Variants in CGNL1 observed in about 807,000 individuals in gnomAD.
CGNL1 encodes cingulin-like protein 1.
Under a neutral mutation model 141.2 loss-of-function variants are expected in CGNL1, and 132 were observed. The observed-to-expected ratio is 0.93, with a 90% CI of 0.81 to 1.08. The LOEUF (loss-of-function observed/expected upper bound fraction) is 1.08. CGNL1 is among the 50% of genes least tolerant of loss of function. The pLI, the probability that CGNL1 is intolerant of heterozygous loss-of-function variation, is 0.00. For synonymous variants in CGNL1, 690 were observed against 622.1 expected, an observed-to-expected ratio of 1.11 and a Z score of -1.63; for missense variants, 1,870 against 1,588.6, an observed-to-expected ratio of 1.18 and a Z score of -3.01.
chr15:57,384,742 C>T (rs1296564966), intron 1 of CGNL1, among the ~76,000 whole-genome samples: 2 of 152,172 alleles, frequency 1.3e-5, no homozygotes, highest in Admixed American at 1.3e-4. Flanking sequence ...GACCTCTTTA[C>T]TGACCTTGTA....
At chr15:57,455,722 C>T (rs2063371309) in intron 7 of CGNL1, among the ~76,000 whole-genome samples, 1 of 152,148 alleles carries the variant, frequency 6.6e-6, no homozygotes, top group Non-Finnish European at 1.5e-5. Flanking sequence ...GAACTGCATA[C>T]TTCTTTTCCT....
intron 7 of CGNL1, among the ~76,000 whole-genome samples, chr15:57,454,317 TAAAAGTC>T (rs1165060536): frequency 6.6e-6 from 1 of 152,110 alleles, no homozygotes; most frequent in Non-Finnish European, 1.5e-5. Flanking sequence ...CCAAAAAAAT[TAAAAGTC>T]AAAACATAAA....
At chr15:57,416,137 T>A (rs2062845945) in intron 1 of CGNL1, among the ~76,000 whole-genome samples, 1 of 151,954 alleles carries the variant, frequency 6.6e-6, no homozygotes, top group Non-Finnish European at 1.5e-5. Context: ...ACATTGCTGA[T>A]CCCTTTTAGT....
At chr15:57,446,470 T>A (rs1478215521) in intron 4 of CGNL1, among the ~76,000 whole-genome samples, 1 of 152,182 alleles carries the variant, frequency 6.6e-6, no homozygotes, top group African/African-American at 2.4e-5. Flanking sequence ...TTACAATATG[T>A]ATTATAATAA....
intron 1 of CGNL1, among the ~76,000 whole-genome samples, chr15:57,421,684 C>T (rs1468343956): frequency 6.6e-6 from 1 of 152,112 alleles, no homozygotes; most frequent in Non-Finnish European, 1.5e-5. Flanking sequence ...AGGAAACACC[C>T]TGAGAAGGAA....
At chr15:57,461,531 T>C in intron 7 of CGNL1, 149 bp from the exon 8 acceptor site, 1 of 689,130 alleles carries the variant, frequency 1.5e-6, no homozygotes, top group Non-Finnish European at 2.6e-6. Flanking sequence ...GAAGAAATGG[T>C]CTAAACAGGT....
In CGNL1 at chr15:57,511,336, C is replaced by T. The variant is rs138323714; in HGVS notation, c.2404-5444C>T. ...CTCACTTTCTTGTTCTTTTTTTCTC[C>T]CAGATGCACAAGATACTATTGACCT... On this transcript the variant is annotated intron_variant, in intron 8 of 18. Coordinates refer to ENST00000281282, the MANE Select transcript of CGNL1 (RefSeq NM_032866.5). 3.2e-3 allele frequency among the ~76,000 whole-genome samples: 486 copies of T among 152,196 alleles called. 5 individuals carry two copies. The highest frequency in any genetic ancestry group is 0.011 in the African/African-American group (456 of 41,514).
chr15:57,463,576 C>T (rs796099628), intron 8 of CGNL1, among the ~76,000 whole-genome samples: 1 of 152,206 alleles, frequency 6.6e-6, no homozygotes, highest in South Asian at 2.1e-4. Context: ...GGGGTGTGGG[C>T]CAGCAAGGGC....
rs2063138620 is a variant in CGNL1 at position 57,438,572 on chromosome 15, C to T, written c.573C>T (p.Cys191=). 7 of 1,613,498 alleles carry T rather than the reference C, an allele frequency of 4.3e-6. No homozygotes were observed. The highest frequency in any genetic ancestry group is 1.3e-5 in the African/African-American group (1 of 74,926). Residue 191 remains cysteine (C), a synonymous_variant, in exon 2 of 19, where the codon TGC becomes TGT. Coordinates refer to ENST00000281282, the MANE Select transcript of CGNL1 (RefSeq NM_032866.5). ...TCAACAATAAGAAGCCTTGGACTTG[C>T]TTTCCCAAACCTAGCAATTCCCAGC... ...EGINNKKPWT[C]FPKPSNSQPT...
rs1181393358 is a variant in CGNL1 at position 57,422,860 on chromosome 15, C to G, written c.-15-15125C>G. ...ATAGATCCCAGAGCAGAGGTTTGGG[C>G]CTGAAAATTTGGAACTAGGAAGTTT... On this transcript the variant is annotated intron_variant, in intron 1 of 18. Coordinates refer to ENST00000281282, the MANE Select transcript of CGNL1 (RefSeq NM_032866.5). Among the ~76,000 whole-genome samples the G allele has an allele frequency of 2.0e-5, 3 of 152,008 alleles. No individual in the cohort carries two copies. The South Asian group carries it at 6.2e-4, about 32-fold the overall frequency.
intron 7 of CGNL1, among the ~76,000 whole-genome samples, chr15:57,454,987 C>G (rs968267265): frequency 6.6e-6 from 1 of 152,154 alleles, no homozygotes; most frequent in Non-Finnish European, 1.5e-5. Context: ...GCCTCCCTAT[C>G]TATTGATAGC....
intron 15 of CGNL1, among the ~76,000 whole-genome samples, chr15:57,544,154 A>C (rs530434769): frequency 6.6e-6 from 1 of 152,230 alleles, no homozygotes; most frequent in South Asian, 2.1e-4. Flanking sequence ...AAAGGAGCCT[A>C]TTTCTCCTGT....
chr15:57,492,945 A>G (rs531065022), intron 8 of CGNL1, among the ~76,000 whole-genome samples: 1 of 152,218 alleles, frequency 6.6e-6, no homozygotes, highest in East Asian at 1.9e-4. Flanking sequence ...TGGGCATTTT[A>G]TTTCCAGATT....
intron 2 of CGNL1, 29 bp from the exon 3 acceptor site, chr15:57,440,348 A>T: frequency 1.3e-6 from 2 of 1,544,220 alleles, no homozygotes; most frequent in Non-Finnish European, 1.8e-6. Flanking sequence ...CTTCATCCTC[A>T]TGGTCTAACA....
intron 8 of CGNL1, among the ~76,000 whole-genome samples, chr15:57,512,111 A>G (rs2030361393): frequency 6.6e-6 from 1 of 152,156 alleles, no homozygotes; most frequent in Admixed American, 6.5e-5. Context: ...TGCCACATCC[A>G]TGAGACACAA....
At chr15:57,388,990 A>G (rs191697516) in intron 1 of CGNL1, among the ~76,000 whole-genome samples, 78 of 152,346 alleles carry the variant, frequency 5.1e-4, no homozygotes, top group Admixed American at 7.8e-4. Context: ...TTCTAAAGGT[A>G]AAAATGAAGA....
chr15:57,454,541 T>C lies in CGNL1; in HGVS notation c.2190+723T>C, dbSNP rs2063356565. 3.3e-5 allele frequency among the ~76,000 whole-genome samples: 5 copies of C among 152,290 alleles called. No homozygotes were observed. In the South Asian group the frequency reaches 1.0e-3, roughly 32 times the overall value. ...GATTTTAGGTCCTACTTTTTAGAACTTAGCCTTTCTTCACCCGATGACCTG... is the reference window on the plus strand; with the variant it reads ...GATTTTAGGTCCTACTTTTTAGAACCTAGCCTTTCTTCACCCGATGACCTG... On this transcript the variant is annotated intron_variant, in intron 7 of 18. Coordinates refer to ENST00000281282, the MANE Select transcript of CGNL1 (RefSeq NM_032866.5).
Position 57,439,237 on chromosome 15 carries a change from A to G in CGNL1, c.1238A>G (p.Lys413Arg). ...YLIEFSRNLG[K>R]SSEHLLRPSQ... ...ATTGAATTCAGTAGGAACTTGGGCA[A>G]GTCAAGCGAACACCTCCTCCGGCCT... The change falls in exon 2 of 19, where the codon AAG becomes AGG. Residue 413 changes from lysine to arginine, a missense_variant. By Grantham distance (26) the Lys-to-Arg change is conservative. Coordinates refer to ENST00000281282, the MANE Select transcript of CGNL1 (RefSeq NM_032866.5). The G allele has an allele frequency of 6.2e-7, 1 of 1,614,122 alleles. No homozygotes were observed. Among genetic ancestry groups the G allele is most frequent in the Non-Finnish European group, 8.5e-7 (1 of 1,180,020 alleles).
At chr15:57,387,885 C>T (rs2062500913) in intron 1 of CGNL1, among the ~76,000 whole-genome samples, 1 of 152,140 alleles carries the variant, frequency 6.6e-6, no homozygotes, top group South Asian at 2.1e-4. Context: ...TGTCATTGAC[C>T]CAGACTGGGT....
Sources: gnomAD v4.1 joint callset for allele counts (sites outside exome capture counted in the v4.1 genomes callset) on GRCh38, gnomAD v4.1.1 for gene constraint, MANE v1.5 for transcripts, NCBI Gene and HGNC (gene_info 2026-07-23, HGNC 2026-07-21) for gene names.